Variants in SLAIN2 observed in about 807,000 individuals in gnomAD.
SLAIN2 encodes the protein SLAIN family member 2.
In SLAIN2, 31 loss-of-function variants were observed where a neutral mutation model predicts 56.6. That is an observed-to-expected ratio of 0.55 (90% CI 0.41 to 0.74). The LOEUF (loss-of-function observed/expected upper bound fraction) is 0.74, where lower values mean the gene tolerates loss of function less well. Among genes scored for constraint, SLAIN2 ranks in the 30% least tolerant of loss-of-function variants. The pLI, the probability that SLAIN2 is intolerant of heterozygous loss-of-function variation, is 0.00. For synonymous variants in SLAIN2, 317 were observed against 284.9 expected (o/e 1.11, Z -1.13); for missense variants, 777 against 754.2 (o/e 1.03, Z -0.35).
chr4:48,382,971 C>T (rs758193331), intron 5 of SLAIN2, 44 bp downstream of exon 5: 2 of 1,511,632 alleles, frequency 1.3e-6, no homozygotes, highest in Admixed American at 2.2e-5. Flanking sequence ...TTTCTGCTAG[C>T]CTGTGTAACA....
chr4:48,396,396 T>A (rs549873795), intron 6 of SLAIN2, among the ~76,000 whole-genome samples: 153 of 152,288 alleles, frequency 1.0e-3, no homozygotes, highest in African/African-American at 3.6e-3. Flanking sequence ...ACCTACCTCT[T>A]CTCTGTAAAT....
chr4:48,343,546 A>C (rs766535682), intron 1 of SLAIN2, among the ~76,000 whole-genome samples: 1 of 152,230 alleles, frequency 6.6e-6, no homozygotes, highest in African/African-American at 2.4e-5. Context: ...GAAAGTGTAC[A>C]GTGAATTACC....
chr4:48,352,274 A>G (rs1224451883), intron 1 of SLAIN2, among the ~76,000 whole-genome samples: 1 of 152,164 alleles, frequency 6.6e-6, no homozygotes, highest in Non-Finnish European at 1.5e-5. Flanking sequence ...ATTCAAACCA[A>G]ACTATTGAGT....
At chr4:48,403,990 CCTTT>C (rs1187020830) in intron 6 of SLAIN2, among the ~76,000 whole-genome samples, 2 of 152,134 alleles carry the variant, frequency 1.3e-5, no homozygotes, top group Non-Finnish European at 1.5e-5. Context: ...TCACTCACCA[CCTTT>C]CTTGGCTGGC....
chr4:48,396,793 G>A (rs2109773703), intron 6 of SLAIN2, among the ~76,000 whole-genome samples: 1 of 152,276 alleles, frequency 6.6e-6, no homozygotes, highest in Admixed American at 6.5e-5. Flanking sequence ...GGAGGAAAAA[G>A]ATTACTTAAC....
intron 1 of SLAIN2, among the ~76,000 whole-genome samples, chr4:48,345,334 A>G (rs188358426): frequency 6.6e-6 from 1 of 152,310 alleles, no homozygotes; most frequent in Non-Finnish European, 1.5e-5. Flanking sequence ...AGTTTGTTTT[A>G]TCATTCCTTA....
chr4:48,382,862 A>G lies in SLAIN2; in HGVS notation c.1157A>G (p.Gln386Arg). ...VSPQPMISRL[Q>R]QPRLSLQGHP... ...CCACAGCCTATGATTAGCCGCTTAC[A>G]GCAACCTCGCCTTTCACTTCAAGGC... Residue 386 changes from glutamine (Q) to arginine (R), a missense_variant, in exon 5 of 8, where the codon CAG becomes CGG. By Grantham distance (43) the Gln-to-Arg change is conservative. Transcript: ENST00000264313. 6.2e-7 allele frequency: 1 copy of G among 1,613,738 alleles called. No homozygotes were observed. The highest frequency in any genetic ancestry group is 8.5e-7 in the Non-Finnish European group (1 of 1,179,808).
chr4:48,383,696 A>G lies in SLAIN2; in HGVS notation c.1272A>G (p.Gln424=), dbSNP rs781541434. ...ACCTGTCCCGAACATCTAATACACA[A>G]GTTGACTCAGTGAAAAGCAGCAGAA... ...LPNLSRTSNT[Q]VDSVKSSRSD... is the part of the protein sequence containing the mutation. The change falls in exon 6 of 8, where the codon CAA becomes CAG. Residue 424 remains glutamine, a synonymous_variant. Transcript: ENST00000264313. 1.2e-6 allele frequency: 2 copies of G among 1,610,232 alleles called. No individual in the cohort carries two copies. The highest frequency in any genetic ancestry group is 2.2e-5 in the South Asian group (2 of 90,368).
At chr4:48,364,701 C>T (rs1476481635) in intron 1 of SLAIN2, among the ~76,000 whole-genome samples, 1 of 129,256 alleles carries the variant, frequency 7.7e-6, no homozygotes, top group Non-Finnish European at 1.7e-5. Flanking sequence ...CAGCGAAACC[C>T]TGTCTCCACC....
chr4:48,398,561 A>C (rs1297352450), intron 6 of SLAIN2, among the ~76,000 whole-genome samples: 1 of 151,936 alleles, frequency 6.6e-6, no homozygotes, highest in Non-Finnish European at 1.5e-5. Flanking sequence ...TCATCATGCA[A>C]CCTTTGCCCA....
rs762581096 is a variant in SLAIN2 at position 48,383,764 on chromosome 4, T to C, written c.1340T>C (p.Met447Thr). ...GTGCCAAACGGAGGAATACCTCGTA[T>C]GCAACCTCAGGCTTCAGCCAGTAAG... ...FQVPNGGIPR[M>T]QPQASAIPSP... The change falls in exon 6 of 8, where the codon ATG becomes ACG. Residue 447 changes from methionine (M) to threonine (T), a missense_variant. Transcript: ENST00000264313. 1.2e-6 allele frequency: 2 copies of C among 1,612,220 alleles called. No homozygotes were observed. Among genetic ancestry groups the C allele is most frequent in the South Asian group, 2.2e-5 (2 of 90,778 alleles).
intron 6 of SLAIN2, among the ~76,000 whole-genome samples, chr4:48,388,503 G>GT: frequency 6.6e-6 from 1 of 152,132 alleles, no homozygotes; most frequent in Non-Finnish European, 1.5e-5. Context: ...AATTTTATTT[G>GT]TTTGTAAATG....
In SLAIN2 at chr4:48,341,844, G is replaced by A; in HGVS notation, c.105G>A (p.Ser35=). The A allele has an allele frequency of 6.6e-7, 1 of 1,526,526 alleles. No homozygotes were observed. The highest frequency in any genetic ancestry group is 1.2e-5 in the South Asian group (1 of 81,932). 94.6% of individuals were successfully genotyped at this position (1,526,526 alleles called of 1,614,324 possible). A position where few individuals can be genotyped will look rare whatever the true frequency, so the allele number is the denominator to read the frequency against. The change falls in exon 1 of 8, where the codon TCG becomes TCA. Residue 35 remains serine (S), a synonymous_variant. Transcript: ENST00000264313. ...AGAACGAACAGCTGAGGAGCCGCTC[G>A]GGGGCCGTGCAGGGCGCCGGCTCCC... ...EKQNEQLRSR[S]GAVQGAGSLG...
intron 2 of SLAIN2, among the ~76,000 whole-genome samples, chr4:48,370,908 T>C (rs1197732921): frequency 6.6e-6 from 1 of 152,138 alleles, no homozygotes; most frequent in Non-Finnish European, 1.5e-5. Context: ...CTGAAAATGG[T>C]CACAGGAAGC....
intron 6 of SLAIN2, among the ~76,000 whole-genome samples, chr4:48,418,472 GAACC>G (rs1577742055): frequency 6.6e-6 from 1 of 151,904 alleles, no homozygotes. Context: ...TTCAAATATT[GAACC>G]AACCTTGCAT....
At chr4:48,374,164 G>A (rs1715743116) in intron 2 of SLAIN2, among the ~76,000 whole-genome samples, 1 of 152,186 alleles carries the variant, frequency 6.6e-6, no homozygotes, top group East Asian at 1.9e-4. Context: ...AGAGATGTGA[G>A]ATAAGGCCAG....
chr4:48,375,286 A>G (rs1484179368), intron 2 of SLAIN2, among the ~76,000 whole-genome samples: 4 of 152,184 alleles, frequency 2.6e-5, no homozygotes, highest in African/African-American at 9.7e-5. Flanking sequence ...TACTAAATAT[A>G]TATAAAATAT....
chr4:48,371,971 TACACACACACACACACACGCGCGC>T (rs1169754856), intron 2 of SLAIN2, among the ~76,000 whole-genome samples: 4 of 148,000 alleles, frequency 2.7e-5, no homozygotes, highest in African/African-American at 7.5e-5. Context: ...AAAAAGTATA[TACACACACACACACACACGCGCGC>T]ACACACACAC....
At chr4:48,418,799 C>T (rs1717066395) in intron 6 of SLAIN2, among the ~76,000 whole-genome samples, 1 of 152,096 alleles carries the variant, frequency 6.6e-6, no homozygotes, top group South Asian at 2.1e-4. Flanking sequence ...CTGCTTGTTA[C>T]CATAAATTAG....
Sources: gnomAD v4.1 joint callset for allele counts (sites outside exome capture counted in the v4.1 genomes callset) on GRCh38, gnomAD v4.1.1 for gene constraint, MANE v1.5 for transcripts, NCBI Gene and HGNC (gene_info 2026-07-23, HGNC 2026-07-21) for gene names.